TENM1: variants seen among roughly 807,000 people sequenced by gnomAD.
The protein encoded by TENM1 is teneurin-1.
A neutral mutation model predicts 174.8 loss-of-function variants in TENM1; 35 were observed. The observed-to-expected ratio is 0.20, with a 90% CI of 0.15 to 0.27. The LOEUF is 0.27. Ranked by LOEUF, TENM1 falls within the 10% of genes least tolerant of loss-of-function variation. The probability of loss-of-function intolerance (pLI) is 1.00; values close to 1 mark genes in which losing one functional copy is unlikely to be tolerated. For synonymous variants in TENM1, 781 were observed against 798.7 expected, an observed-to-expected ratio of 0.98 and a Z score of 0.37; for missense variants, 1,633 against 2,130.1, an observed-to-expected ratio of 0.77 and a Z score of 4.59.
At chrX:124,585,251 C>CCA (rs1420822991) in intron 11 of TENM1, among the ~76,000 whole-genome samples, 1 of 111,464 alleles carries the variant, frequency 9.0e-6, no homozygotes, top group African/African-American at 3.3e-5. Context: ...CAGCACCACA[C>CCA]CACACCTATT....
At chrX:124,460,319 G>A (rs1278174390) in intron 22 of TENM1, among the ~76,000 whole-genome samples, 1 of 111,734 alleles carries the variant, frequency 8.9e-6, no homozygotes, top group Non-Finnish European at 1.9e-5. Context: ...CAAAGACATG[G>A]AATCAACCTA....
chrX:125,159,847 G>C, the TENM1 span, among the ~76,000 whole-genome samples: 1 of 111,648 alleles, frequency 9.0e-6, no homozygotes, highest in East Asian at 2.8e-4. Context: ...CACATGAAGA[G>C]GTGAGATTTT....
At chrX:124,527,049 A>G (rs1460935415) in intron 16 of TENM1, among the ~76,000 whole-genome samples, 2 of 111,992 alleles carry the variant, frequency 1.8e-5, no homozygotes, top group African/African-American at 6.5e-5. Context: ...TAAATCTTGA[A>G]CTCTATCCTT....
the TENM1 span, among the ~76,000 whole-genome samples, chrX:125,048,641 G>GT: frequency 9.0e-6 from 1 of 111,123 alleles, no homozygotes; most frequent in South Asian, 3.8e-4. Flanking sequence ...AAGGTTGTTA[G>GT]TAAGACTATT....
intron 3 of TENM1, among the ~76,000 whole-genome samples, chrX:124,753,692 G>T (rs2054145699): frequency 9.0e-6 from 1 of 111,329 alleles, no homozygotes; most frequent in African/African-American, 3.3e-5. Context: ...AGAATTTTTA[G>T]CATGAAGGGT....
At chrX:124,878,664 C>T (rs1376738270) in intron 3 of TENM1, among the ~76,000 whole-genome samples, 1 of 111,449 alleles carries the variant, frequency 9.0e-6, no homozygotes, top group Non-Finnish European at 1.9e-5. Context: ...CATGCATGTA[C>T]AGCCTGAAGA....
chrX:125,042,227 T>C, the TENM1 span, among the ~76,000 whole-genome samples: 5 of 111,495 alleles, frequency 4.5e-5, no homozygotes, highest in Admixed American at 9.6e-5. Context: ...AGCAGCAATA[T>C]ACCTTGAAGT....
intron 4 of TENM1, among the ~76,000 whole-genome samples, chrX:124,727,867 G>A (rs1044054697): frequency 2.7e-5 from 3 of 111,752 alleles, no homozygotes; most frequent in African/African-American, 9.7e-5. Flanking sequence ...CCATTTTTAA[G>A]TTCAAAAAAC....
At chrX:125,064,559 G>A in the TENM1 span, among the ~76,000 whole-genome samples, 6 of 109,334 alleles carry the variant, frequency 5.5e-5, no homozygotes, top group East Asian at 2.9e-4. Flanking sequence ...GATGAAACCC[G>A]CAGTGGCAGA....
intron 18 of TENM1, among the ~76,000 whole-genome samples, chrX:124,506,953 C>T (rs921044973): frequency 1.8e-5 from 2 of 111,693 alleles, no homozygotes; most frequent in African/African-American, 6.5e-5. Context: ...CTGCCTGACA[C>T]TATGACAGCT....
the TENM1 span, among the ~76,000 whole-genome samples, chrX:125,100,782 T>C: frequency 2.7e-5 from 3 of 111,763 alleles, no homozygotes; most frequent in African/African-American, 6.5e-5. Flanking sequence ...CTCCTCCTGA[T>C]TTTGTAAAGT....
chrX:124,896,297 A>G, intron 1 of TENM1, 56 bp from the exon 5 acceptor site: 38 of 1,143,510 alleles, frequency 3.3e-5, no homozygotes, highest in Non-Finnish European at 4.2e-5. Context: ...AATCCCCCAG[A>G]AAATTCTACT....
Position 124,578,801 on chromosome X carries a change from T to C in TENM1, c.2078-13241A>G, listed in dbSNP as rs2049232466. ...TTAGGGCTTGGGAAAACTTTAAAATTCATCTGGCCAGCCCCTCACTTTGAC... is the reference window on the plus strand; with the variant it reads ...TTAGGGCTTGGGAAAACTTTAAAATCCATCTGGCCAGCCCCTCACTTTGAC... On this transcript the variant is annotated intron_variant, in intron 11 of 31. Coordinates refer to ENST00000422452, the Ensembl canonical transcript of TENM1. 2.7e-5 allele frequency among the ~76,000 whole-genome samples: 3 copies of C among 111,690 alleles called. No homozygotes were observed. In the Admixed American group the frequency reaches 2.9e-4, roughly 11 times the overall value.
At chrX:124,689,509 T>C (rs1224099166) in intron 5 of TENM1, among the ~76,000 whole-genome samples, 1 of 111,684 alleles carries the variant, frequency 9.0e-6, no homozygotes, top group Non-Finnish European at 1.9e-5. Context: ...AAGCAGTATA[T>C]AATATGAGCT....
chrX:124,569,230 T>C (rs946081659), intron 11 of TENM1, among the ~76,000 whole-genome samples: 8 of 90,370 alleles, frequency 8.9e-5, no homozygotes, highest in Non-Finnish European at 1.6e-4. Flanking sequence ...AACCCAACAC[T>C]GAAGAAAGCA....
At chrX:125,051,295 T>A in the TENM1 span, among the ~76,000 whole-genome samples, 4 of 110,637 alleles carry the variant, frequency 3.6e-5, no homozygotes, top group African/African-American at 1.3e-4. Context: ...TTCAATGCCA[T>A]CCCCATCAAG....
Position 124,386,148 on chromosome X carries a change from C to T in TENM1, c.5689-84G>A, listed in dbSNP as rs946719799. 4.2e-6 allele frequency: 4 copies of T among 946,605 alleles called. No homozygotes were observed. In the East Asian group the frequency reaches 1.3e-4, roughly 30 times the overall value. 78.0% of individuals were successfully genotyped at this position (946,605 alleles called of 1,213,427 possible). A position where few individuals can be genotyped will look rare whatever the true frequency, so the allele number is the denominator to read the frequency against. On this transcript the variant is annotated intron_variant, in intron 28 of 31. Transcript: ENST00000422452. ...AGAAAATACACATTCATCCATTCAA[C>T]ACAAATCAATCAAGCACTTACTGTG... is the stretch of plus-strand genomic sequence containing the variant.
chrX:124,584,166 A>G (rs2049419137), intron 11 of TENM1, among the ~76,000 whole-genome samples: 1 of 110,106 alleles, frequency 9.1e-6, no homozygotes, highest in Admixed American at 9.7e-5. Flanking sequence ...CAACATTCAG[A>G]TTCAGGAAAT....
intron 23 of TENM1, among the ~76,000 whole-genome samples, chrX:124,451,695 C>A (rs1188897706): frequency 9.0e-6 from 1 of 111,524 alleles, no homozygotes; most frequent in African/African-American, 3.3e-5. Context: ...TGGAACAGAA[C>A]AGAGCCCTCA....
Sources: gnomAD v4.1 joint callset for allele counts (sites outside exome capture counted in the v4.1 genomes callset) on GRCh38, gnomAD v4.1.1 for gene constraint, MANE v1.5 for transcripts, NCBI Gene and HGNC (gene_info 2026-07-23, HGNC 2026-07-21) for gene names.